The following CEP295 variants were observed in gnomAD, a reference collection of about 807,000 sequenced individuals.
The protein encoded by CEP295 is centrosomal protein of 295 kDa.
A neutral mutation model predicts 291.6 loss-of-function variants in CEP295; 190 were observed. The ratio of observed to expected loss-of-function variants is 0.65; its 90% CI spans 0.58 to 0.73. The LOEUF is 0.73. Ranked by LOEUF, CEP295 falls within the 30% of genes least tolerant of loss-of-function variation. The pLI is 0.00. For missense variants in CEP295, 2,863 were observed against 2,949.4 expected, an observed-to-expected ratio of 0.97 and a Z score of 0.68; for synonymous variants, 993 against 1,038.8, an observed-to-expected ratio of 0.96 and a Z score of 0.85.
Position 93,697,040 on chromosome 11 carries a change from C to T in CEP295, c.2128C>T (p.Leu710=). 1.3e-6 allele frequency: 2 copies of T among 1,551,576 alleles called. No individual in the cohort carries two copies. The highest frequency in any genetic ancestry group is 1.7e-6 in the Non-Finnish European group (2 of 1,146,998). ...TNQALESQEH[L]RQFSQTETQQ... is the part of the protein sequence containing the mutation. ...TCAAGCTTTAGAATCACAAGAACAT[C>T]TAAGGCAATTCTCTCAGACTGAAAC... Residue 710 remains leucine (L), a synonymous_variant, in exon 15 of 30, where the codon CTA becomes TTA. Coordinates refer to ENST00000325212, the MANE Select transcript of CEP295 (RefSeq NM_033395.2).
chr11:93,692,120 T>A, intron 12 of CEP295, 90 bp downstream of exon 12: 1 of 687,752 alleles, frequency 1.5e-6, no homozygotes, highest in South Asian at 1.9e-5. Context: ...TCTTAATGTC[T>A]GGCTAATTTT....
At position 93,729,656 on chromosome 11, in the gene CEP295, A is replaced by C. The variant is rs1358618866; in HGVS notation, c.7442A>C (p.Glu2481Ala). 27 of 1,550,660 alleles carry C rather than the reference A, an allele frequency of 1.7e-5. No homozygotes were observed. The Admixed American group carries it at 3.9e-4, about 23-fold the overall frequency. Residue 2481 changes from glutamate to alanine, a missense_variant, in exon 27 of 30, where the codon GAA (glutamate) becomes GCA (alanine). By Grantham distance (107) the Glu-to-Ala change is moderately radical. Coordinates refer to ENST00000325212, the MANE Select transcript of CEP295 (RefSeq NM_033395.2). ...ACACCTGTACCAGGGAGCTTACAAG[A>C]AGCATTTATAAAGAGGAAAAAATCA... ...RLTPVPGSLQ[E>A]AFIKRKKSFM...
chr11:93,676,724 G>A (rs1950711893), intron 6 of CEP295, among the ~76,000 whole-genome samples: 1 of 151,924 alleles, frequency 6.6e-6, no homozygotes. Context: ...TTGAAAAGAT[G>A]CTACCTTTTA....
chr11:93,708,322 G>A (rs1260238211), intron 18 of CEP295, among the ~76,000 whole-genome samples: 3 of 152,086 alleles, frequency 2.0e-5, no homozygotes, highest in African/African-American at 2.4e-5. Flanking sequence ...CCCAGCCTCT[G>A]ATAACCTTTG....
Position 93,702,630 on chromosome 11 carries a change from G to C in CEP295, c.5445G>C (p.Lys1815Asn). 1 of 1,543,460 alleles carries C rather than the reference G, an allele frequency of 6.5e-7. No homozygotes were observed. Among genetic ancestry groups the C allele is most frequent in the Non-Finnish European group, 8.7e-7 (1 of 1,143,728 alleles). The stretch of plus-strand genomic sequence containing the variant: ...TGGCTTCAGAAGATACTAGTGCCAA[G>C]CAAAGTGGTAAGATAATTGTGTTTG... ...NHLASEDTSA[K>N]QSGEHLEKDL... Residue 1815 changes from lysine (K) to asparagine (N), a missense_variant, in exon 16 of 30, where the codon AAG (lysine) becomes AAC (asparagine). Transcript: ENST00000325212.
chr11:93,715,195 CACAA>C (rs1185162563), intron 18 of CEP295, among the ~76,000 whole-genome samples: 4 of 152,084 alleles, frequency 2.6e-5, no homozygotes, highest in East Asian at 3.9e-4. Flanking sequence ...GCACCAAAAT[CACAA>C]ACAAAGTCCT....
At chr11:93,717,505 T>C (rs1953355833) in intron 18 of CEP295, among the ~76,000 whole-genome samples, 1 of 152,272 alleles carries the variant, frequency 6.6e-6, no homozygotes. Flanking sequence ...GAAACAGAGC[T>C]TTTTGGTAAT....
At chr11:93,722,454 C>T (rs1045711638) in intron 20 of CEP295, 3 of 162,610 alleles carry the variant, frequency 1.8e-5, no homozygotes, top group African/African-American at 7.2e-5. Context: ...ATAGTGAAAC[C>T]CTGTCTCAAA....
chr11:93,728,797 G>C lies in CEP295; in HGVS notation c.7278G>C (p.Glu2426Asp), dbSNP rs1031851383. The change falls in exon 25 of 30, where the codon GAG (glutamate) becomes GAC (aspartate). Residue 2426 changes from glutamate to aspartate, a missense_variant. By Grantham distance (45) the Glu-to-Asp change is conservative (BLOSUM62 2). This residue lies in a region of CEP295 where 2,295 missense variants were observed against 2,335.7 expected (regional missense o/e 0.98). Transcript: ENST00000325212. ...FANLTLEEKSENEAKCFFQVS... is the reference protein window; with the variant it reads ...FANLTLEEKSDNEAKCFFQVS... ...ATTTAACCCTAGAAGAGAAGAGCGA[G>C]AATGAAGCAAAATGCTTCTTTCAGG... 7 of 1,546,244 alleles carry C rather than the reference G, an allele frequency of 4.5e-6. No homozygotes were observed. The African/African-American group carries it at 5.5e-5, about 12-fold the overall frequency.
At position 93,702,517 on chromosome 11, in the gene CEP295, G is replaced by C; in HGVS notation, c.5332G>C (p.Asp1778His). The change falls in exon 16 of 30, where the codon GAC (aspartate) becomes CAC (histidine). Residue 1778 changes from aspartate to histidine, a missense_variant. Physicochemically the swap from Asp to His is moderately conservative, Grantham distance 81. Coordinates refer to ENST00000325212, the MANE Select transcript of CEP295 (RefSeq NM_033395.2). The part of the protein sequence containing the change: ...LKTQKMGQLR[D>H]WFPNTQDLAG... ...AACCCAGAAGATGGGGCAGCTCAGA[G>C]ACTGGTTTCCTAATACACAAGACCT... 1 of 1,550,070 alleles carries C rather than the reference G, an allele frequency of 6.5e-7. No individual in the cohort carries two copies. Among genetic ancestry groups the C allele is most frequent in the Non-Finnish European group, 8.7e-7 (1 of 1,146,550 alleles).
In CEP295 at chr11:93,699,470, C is replaced by T. The variant is rs774715645; in HGVS notation, c.4558C>T (p.Arg1520Ter). 28 of 1,551,566 alleles carry T rather than the reference C, an allele frequency of 1.8e-5. No homozygotes were observed. The highest frequency in any genetic ancestry group is 1.2e-4 in the South Asian group (10 of 84,046). ...GTTAGATACACAGAAGAAAGCCATT[C>T]GATCTATACAGGAAGTCCAAGAAGA... ...QQLDTQKKAI[R>*]SIQEVQEELL... The change falls in exon 15 of 30, where the codon CGA becomes TGA. Residue 1520 changes from arginine (R) to a stop codon, truncating the protein, a stop_gained. Coordinates refer to ENST00000325212, the MANE Select transcript of CEP295 (RefSeq NM_033395.2). LOFTEE classifies it high-confidence loss of function.
In CEP295 at chr11:93,695,654, A is replaced by G. The variant is rs763567335; in HGVS notation, c.1671+20A>G. ...ACTGGGGTAGGATGCAGAAAATCTC[A>G]TCACTACATAAATCATTTGGTAAGG... On this transcript the variant is annotated intron_variant, in intron 13 of 29. Coordinates refer to ENST00000325212, the MANE Select transcript of CEP295 (RefSeq NM_033395.2). 2.0e-6 allele frequency: 3 copies of G among 1,482,194 alleles called. No homozygotes were observed. The highest frequency in any genetic ancestry group is 2.7e-5 in the South Asian group (2 of 73,386). The allele number at this position is 1,482,194 out of a possible 1,614,324, so 91.8% of individuals were successfully genotyped here.
chr11:93,667,567 A>T, intron 2 of CEP295, 40 bp from the exon 3 acceptor site: 1 of 1,435,654 alleles, frequency 7.0e-7, no homozygotes, highest in Non-Finnish European at 9.3e-7. Context: ...AGTTTAAGTA[A>T]ACCTCCTTTC....
intron 22 of CEP295, 79 bp from the exon 23 acceptor site, chr11:93,725,572 C>A: frequency 8.4e-7 from 1 of 1,187,600 alleles, no homozygotes; most frequent in Non-Finnish European, 1.1e-6. Context: ...AAGAGTAATA[C>A]CAAAGGAACA....
chr11:93,721,665 GGTGTGT>G (rs59894789), intron 19 of CEP295: 39,548 of 595,302 alleles, frequency 0.066, 9 homozygotes, highest in South Asian at 0.1. Context: ...GCATATGTCT[GGTGTGT>G]GTGTGTGTGT....
intron 1 of CEP295, among the ~76,000 whole-genome samples, chr11:93,665,694 C>T (rs1427730408): frequency 6.6e-6 from 1 of 152,114 alleles, no homozygotes; most frequent in East Asian, 1.9e-4. Context: ...GGCGACAGAA[C>T]GAGACTCCAT....
intron 6 of CEP295, among the ~76,000 whole-genome samples, chr11:93,676,861 T>A (rs1950718849): frequency 1.3e-5 from 2 of 152,000 alleles, no homozygotes; most frequent in Admixed American, 1.3e-4. Context: ...CCTTTTCAAT[T>A]TTTGGACTTA....
chr11:93,698,271 CT>C lies in CEP295; in HGVS notation c.3360del (p.Arg1121GlyfsTer14). ...TCACAAGCTTCTGCTAAAGCTGAGC[CT>C]AGGAGAATTCAGGAGCTTTATTTAT... ...VASQASAKAE[P>X]RRIQELYLSE... On this transcript the variant is annotated frameshift_variant, in exon 15 of 30. Transcript: ENST00000325212. LOFTEE classifies it high-confidence loss of function. 1 of 1,551,770 alleles carries C rather than the reference CT, an allele frequency of 6.4e-7. No homozygotes were observed. The highest frequency in any genetic ancestry group is 8.7e-7 in the Non-Finnish European group (1 of 1,147,006).
At chr11:93,685,426 T>C (rs1951180596) in intron 9 of CEP295, among the ~76,000 whole-genome samples, 1 of 152,180 alleles carries the variant, frequency 6.6e-6, no homozygotes, top group Non-Finnish European at 1.5e-5. Context: ...GATTCCAACT[T>C]TATGTAGGCC....
Sources: gnomAD v4.1 joint callset for allele counts (sites outside exome capture counted in the v4.1 genomes callset) on GRCh38, gnomAD v4.1.1 for gene constraint, gnomAD v4.1.1 regional missense constraint, MANE v1.5 for transcripts, NCBI Gene and HGNC (gene_info 2026-07-23, HGNC 2026-07-21) for gene names.